ADGRB3: variants seen among roughly 807,000 people sequenced by gnomAD.
The protein encoded by ADGRB3 is adhesion G protein-coupled receptor B3.
A neutral mutation model predicts 193.4 loss-of-function variants in ADGRB3; 37 were observed. The ratio of observed to expected loss-of-function variants is 0.19; its 90% CI spans 0.15 to 0.25. The LOEUF is 0.25. Ranked by LOEUF, ADGRB3 falls within the 10% of genes least tolerant of loss-of-function variation. ADGRB3 has a pLI of 1.00. For missense variants in ADGRB3, 1,637 were observed against 1,852.9 expected, an observed-to-expected ratio of 0.88 and a Z score of 2.14; for synonymous variants, 690 against 644.2, an observed-to-expected ratio of 1.07 and a Z score of -1.08.
At chr6:69,090,179 A>G in intron 17 of ADGRB3, among the ~76,000 whole-genome samples, 1 of 152,124 alleles carries the variant, frequency 6.6e-6, no homozygotes, top group South Asian at 2.1e-4. Flanking sequence ...TGAGTGTGTA[A>G]CCTTAATATT....
chr6:69,349,423 T>G (rs1478516914), intron 26 of ADGRB3, among the ~76,000 whole-genome samples: 1 of 152,226 alleles, frequency 6.6e-6, no homozygotes, highest in Admixed American at 6.5e-5. Context: ...CTGGAATGCA[T>G]CTTTTTCTTT....
At chr6:68,916,539 C>A (rs554252728) in intron 3 of ADGRB3, among the ~76,000 whole-genome samples, 1 of 152,220 alleles carries the variant, frequency 6.6e-6, no homozygotes, top group Admixed American at 6.5e-5. Context: ...TTTATTAAAA[C>A]AAATGAACAA....
intron 20 of ADGRB3, among the ~76,000 whole-genome samples, chr6:69,314,405 T>C (rs1247371770): frequency 6.6e-6 from 1 of 151,704 alleles, no homozygotes; most frequent in Non-Finnish European, 1.5e-5. Flanking sequence ...AGTCATTTTG[T>C]ATCTCACATA....
At chr6:69,076,505 G>A (rs78937719) in intron 17 of ADGRB3, among the ~76,000 whole-genome samples, 1 of 151,978 alleles carries the variant, frequency 6.6e-6, no homozygotes, top group East Asian at 1.9e-4. Flanking sequence ...AACATTGAGT[G>A]ACATTTAATT....
At chr6:68,842,945 GA>G (rs1306393133) in intron 3 of ADGRB3, among the ~76,000 whole-genome samples, 1 of 150,680 alleles carries the variant, frequency 6.6e-6, no homozygotes. Context: ...AATCGATGCT[GA>G]AAAAAGCATT....
At chr6:69,114,068 A>G (rs1037801772) in intron 17 of ADGRB3, among the ~76,000 whole-genome samples, 1 of 152,190 alleles carries the variant, frequency 6.6e-6, no homozygotes, top group Non-Finnish European at 1.5e-5. Flanking sequence ...GAGTATCCCA[A>G]TAACATCTTA....
intron 10 of ADGRB3, among the ~76,000 whole-genome samples, chr6:68,988,516 T>C (rs1487636472): frequency 6.6e-6 from 1 of 152,144 alleles, no homozygotes; most frequent in Non-Finnish European, 1.5e-5. Flanking sequence ...CTGACCATTA[T>C]AGATCATAAT....
intron 13 of ADGRB3, among the ~76,000 whole-genome samples, chr6:69,040,318 T>TTTC (rs1427258973): frequency 1.2e-4 from 5 of 40,188 alleles, no homozygotes; most frequent in Admixed American, 3.9e-4. Flanking sequence ...TCTTTCTTTC[T>TTTC]TTCTTTCTTT....
At chr6:68,644,467 G>C (rs1368578996) in intron 3 of ADGRB3, among the ~76,000 whole-genome samples, 1 of 151,810 alleles carries the variant, frequency 6.6e-6, no homozygotes, top group African/African-American at 2.4e-5. Flanking sequence ...TTCTCTCTCT[G>C]TTTCTCTTTT....
chr6:69,303,924 C>T (rs1768005737), intron 20 of ADGRB3, among the ~76,000 whole-genome samples: 2 of 151,912 alleles, frequency 1.3e-5, no homozygotes, highest in Non-Finnish European at 2.9e-5. Context: ...TCCTTGACCA[C>T]AGAGTGCTTT....
chr6:68,780,278 G>A (rs535600386), intron 3 of ADGRB3, among the ~76,000 whole-genome samples: 40 of 152,150 alleles, frequency 2.6e-4, no homozygotes, highest in African/African-American at 9.4e-4. Flanking sequence ...AGATATAATG[G>A]GACGGTGACC....
chr6:69,307,649 T>C (rs1469385054), intron 20 of ADGRB3, among the ~76,000 whole-genome samples: 5 of 151,570 alleles, frequency 3.3e-5, no homozygotes, highest in Non-Finnish European at 7.4e-5. Context: ...TTTTCAGTTT[T>C]AAAAATTTGT....
chr6:69,154,589 A>C (rs1774778053), intron 17 of ADGRB3, among the ~76,000 whole-genome samples: 1 of 152,186 alleles, frequency 6.6e-6, no homozygotes, highest in African/African-American at 2.4e-5. Flanking sequence ...AATTCAGATC[A>C]CATCTCCAGT....
intron 20 of ADGRB3, among the ~76,000 whole-genome samples, chr6:69,285,734 A>G (rs1767535069): frequency 6.6e-6 from 1 of 151,990 alleles, no homozygotes; most frequent in South Asian, 2.1e-4. Context: ...TTCAAGAACT[A>G]CTTGCAACCC....
chr6:69,009,882 G>A lies in ADGRB3; in HGVS notation c.1930-4156G>A, dbSNP rs571725661. 3.3e-5 allele frequency among the ~76,000 whole-genome samples: 5 copies of A among 152,100 alleles called. No homozygotes were observed. The South Asian group carries it at 6.2e-4, about 19-fold the overall frequency. On this transcript the variant is annotated intron_variant, in intron 11 of 31. Coordinates refer to ENST00000370598, the MANE Select transcript of ADGRB3 (RefSeq NM_001704.3). ...CTACAACTCTATTTCCATGGAAATA[G>A]GAATTCAGCAAAAGCAAAATGCTAA...
chr6:69,145,767 C>T (rs1313888381), intron 17 of ADGRB3, among the ~76,000 whole-genome samples: 4 of 151,558 alleles, frequency 2.6e-5, no homozygotes, highest in East Asian at 2.0e-4. Context: ...ACCCTGGAGT[C>T]GGTAGCTCCT....
At chr6:68,793,585 G>C (rs896921864) in intron 3 of ADGRB3, among the ~76,000 whole-genome samples, 2 of 152,128 alleles carry the variant, frequency 1.3e-5, no homozygotes, top group African/African-American at 4.8e-5. Context: ...CTAGAGTGCA[G>C]TGGCACGATC....
intron 3 of ADGRB3, among the ~76,000 whole-genome samples, chr6:68,839,400 C>A (rs189235735): frequency 6.6e-6 from 1 of 152,240 alleles, no homozygotes; most frequent in East Asian, 1.9e-4. Context: ...TCAAAAGAGC[C>A]GTATGCCAAA....
chr6:69,381,366 T>C (rs1445432326), intron 30 of ADGRB3, among the ~76,000 whole-genome samples: 1 of 151,910 alleles, frequency 6.6e-6, no homozygotes, highest in Non-Finnish European at 1.5e-5. Flanking sequence ...GCCATGTTCT[T>C]GTCCTCAAAC....
Sources: allele counts gnomAD v4.1 joint callset (sites outside exome capture counted in the v4.1 genomes callset), GRCh38; gene constraint gnomAD v4.1.1; transcripts MANE v1.5; gene names NCBI Gene and HGNC (gene_info 2026-07-23, HGNC 2026-07-21).